Variants in DTNA observed in about 807,000 individuals in gnomAD.
DTNA encodes the protein dystrophin-related protein 3.
DTNA carries 43 observed loss-of-function variants against 100.7 expected under a neutral mutation model. That is an observed-to-expected ratio of 0.43 (90% CI 0.33 to 0.55). DTNA has a LOEUF of 0.55. DTNA is among the 20% of genes least tolerant of loss of function. The probability of loss-of-function intolerance (pLI) is 0.04; values close to 1 mark genes in which losing one functional copy is unlikely to be tolerated. For missense variants in DTNA, 798 were observed against 953.9 expected (o/e 0.84, Z 2.15); for synonymous variants, 349 against 347.9 (o/e 1.00, Z -0.04).
intron 1 of DTNA, among the ~76,000 whole-genome samples, chr18:34,673,478 C>T (rs961718245): frequency 2.0e-5 from 3 of 150,258 alleles, no homozygotes; most frequent in Non-Finnish European, 2.9e-5. Context: ...CTGTCTTAAC[C>T]TTACAATAAA....
intron 1 of DTNA, among the ~76,000 whole-genome samples, chr18:34,494,288 G>A (rs2038924023): frequency 6.6e-6 from 1 of 151,686 alleles, no homozygotes; most frequent in African/African-American, 2.4e-5. Context: ...TGCAGCCAGC[G>A]GCGTCCTTTC....
chr18:34,890,539 C>T lies in DTNA; in HGVS notation c.*2805C>T. ...GTTCCACAATGAATTGCACATCCAT[C>T]TCCATCAGAGCTGATAGCCTGTTAA... On this transcript the variant is annotated 3_prime_UTR_variant, in exon 23 of 23. Transcript: ENST00000444659. The T allele has an allele frequency of 6.6e-7, 1 of 1,504,124 alleles. No homozygotes were observed. Among genetic ancestry groups the T allele is most frequent in the Non-Finnish European group, 8.9e-7 (1 of 1,123,936 alleles). The allele number at this position is 1,504,124 out of a possible 1,614,324, so 93.2% of individuals were successfully genotyped here.
intron 1 of DTNA, among the ~76,000 whole-genome samples, chr18:34,541,236 G>T (rs1239423781): frequency 2.0e-5 from 3 of 151,980 alleles, no homozygotes; most frequent in Non-Finnish European, 4.4e-5. Flanking sequence ...TGATACAAAT[G>T]ATACAAATTG....
At chr18:34,622,412 T>C (rs551136626) in intron 1 of DTNA, among the ~76,000 whole-genome samples, 1 of 152,310 alleles carries the variant, frequency 6.6e-6, no homozygotes, top group East Asian at 1.9e-4. Context: ...TAAAAAGTGC[T>C]ACGGTTTGGT....
chr18:34,668,280 A>T (rs2076232194), intron 1 of DTNA, among the ~76,000 whole-genome samples: 1 of 152,110 alleles, frequency 6.6e-6, no homozygotes, highest in Admixed American at 6.5e-5. Flanking sequence ...TAACCCCTTT[A>T]TCATTTTTTA....
rs117225497 is a variant in DTNA at position 34,596,206 on chromosome 18, G to T, written c.-2+102692G>T. Among the ~76,000 whole-genome samples the T allele has an allele frequency of 6.6e-3, 996 of 151,998 alleles. 1 individual carries two copies. Among genetic ancestry groups the T allele is most frequent in the Non-Finnish European group, 0.01 (691 of 67,908 alleles). ...AAGGCTCTTTGCTGTTTTTTGTTTG[G>T]TTGGTTGGTTTTTTGTTTTGTTTTG... On this transcript the variant is annotated intron_variant, in intron 1 of 19. Transcript: ENST00000283365.
chr18:34,726,134 A>AT (rs1366655674), intron 1 of DTNA, among the ~76,000 whole-genome samples: 1 of 152,126 alleles, frequency 6.6e-6, no homozygotes, highest in Non-Finnish European at 1.5e-5. Context: ...CATTAGGAGA[A>AT]ATACCTAATG....
At chr18:34,878,675 G>C (rs971565630) in intron 19 of DTNA, among the ~76,000 whole-genome samples, 1 of 152,184 alleles carries the variant, frequency 6.6e-6, no homozygotes, top group African/African-American at 2.4e-5. Context: ...TGTCTCTGAA[G>C]ATAGATCTGC....
intron 1 of DTNA, among the ~76,000 whole-genome samples, chr18:34,753,304 CT>C (rs2092470377): frequency 6.6e-6 from 1 of 151,928 alleles, no homozygotes; most frequent in African/African-American, 2.4e-5. Context: ...CTGATATTTT[CT>C]GTCAGAGCTC....
intron 1 of DTNA, among the ~76,000 whole-genome samples, chr18:34,741,665 T>A (rs572352217): frequency 6.6e-6 from 1 of 152,296 alleles, no homozygotes; most frequent in South Asian, 2.1e-4. Context: ...AGTACTGAGA[T>A]CCAAAGTACT....
At chr18:34,655,874 G>T (rs1037923256) in intron 1 of DTNA, among the ~76,000 whole-genome samples, 1 of 152,266 alleles carries the variant, frequency 6.6e-6, no homozygotes, top group African/African-American at 2.4e-5. Flanking sequence ...GAAGTTAATT[G>T]TTCATATATA....
chr18:34,610,963 G>A (rs1043475921), intron 1 of DTNA, among the ~76,000 whole-genome samples: 1 of 152,066 alleles, frequency 6.6e-6, no homozygotes, highest in African/African-American at 2.4e-5. Context: ...CCATAACCAG[G>A]ACACAAATTA....
intron 1 of DTNA, among the ~76,000 whole-genome samples, chr18:34,517,687 A>G (rs1156408711): frequency 6.6e-6 from 1 of 152,010 alleles, no homozygotes; most frequent in Non-Finnish European, 1.5e-5. Context: ...TGTTATATAA[A>G]TGGAATTTTG....
At chr18:34,828,987 T>C in intron 10 of DTNA, 1 of 1,595,686 alleles carries the variant, frequency 6.3e-7, no homozygotes, top group South Asian at 1.1e-5. Flanking sequence ...ATTCTGCAAA[T>C]ATCAAGCAGA....
chr18:34,746,063 T>C lies in DTNA; in HGVS notation c.-1-9913T>C, dbSNP rs80007171. The stretch of plus-strand genomic sequence containing the variant: ...AAAGTATTCCAAAATATTTTACTTT[T>C]ATAAATGTTTATGCATATATACAAT... On this transcript the variant is annotated intron_variant, in intron 1 of 22. Transcript: ENST00000444659. Among the ~76,000 whole-genome samples, 88 of 152,292 alleles carry C rather than the reference T, an allele frequency of 5.8e-4. No homozygotes were observed. The East Asian group carries it at 0.016, about 28-fold the overall frequency.
intron 1 of DTNA, among the ~76,000 whole-genome samples, chr18:34,556,973 C>G (rs1218347782): frequency 6.7e-6 from 1 of 148,528 alleles, no homozygotes; most frequent in African/African-American, 2.5e-5. Flanking sequence ...TGTTTTCCAA[C>G]TTGGTTCCAT....
At chr18:34,665,519 C>A (rs1460905148) in intron 1 of DTNA, among the ~76,000 whole-genome samples, 4 of 152,054 alleles carry the variant, frequency 2.6e-5, no homozygotes, top group South Asian at 4.1e-4. Context: ...GTGTGCTGCA[C>A]CCATTAACTC....
At chr18:34,812,194 T>C (rs2095499094) in intron 6 of DTNA, 81 bp downstream of exon 6, 1 of 1,588,480 alleles carries the variant, frequency 6.3e-7, no homozygotes, top group East Asian at 2.2e-5. Flanking sequence ...AGGTCACAGA[T>C]ACTCAGACAA....
intron 1 of DTNA, among the ~76,000 whole-genome samples, chr18:34,651,109 T>A (rs1270842078): frequency 6.6e-6 from 1 of 152,192 alleles, no homozygotes; most frequent in Non-Finnish European, 1.5e-5. Flanking sequence ...TTGTAGTCTG[T>A]CTTTATACAG....
Sources: allele counts gnomAD v4.1 joint callset (sites outside exome capture counted in the v4.1 genomes callset), GRCh38; gene constraint gnomAD v4.1.1; transcripts MANE v1.5; gene names NCBI Gene and HGNC (gene_info 2026-07-23, HGNC 2026-07-21).